The following CNTNAP5 variants were observed in gnomAD, a reference collection of about 807,000 sequenced individuals.
The protein encoded by CNTNAP5 is contactin associated protein family member 5, also known as contactin-associated protein-like 5.
A neutral mutation model predicts 150.2 loss-of-function variants in CNTNAP5; 72 were observed. The ratio of observed to expected loss-of-function variants is 0.48; its 90% CI spans 0.40 to 0.58. The LOEUF is 0.58. Among genes scored for constraint, CNTNAP5 ranks in the 20% least tolerant of loss-of-function variants. CNTNAP5 has a pLI of 0.00. For synonymous variants in CNTNAP5, 672 were observed against 619.8 expected (o/e 1.08, Z -1.25); for missense variants, 1,636 against 1,626.2 (o/e 1.01, Z -0.10).
chr2:124,702,299 T>A (rs1487250548), intron 13 of CNTNAP5, among the ~76,000 whole-genome samples: 1 of 141,976 alleles, frequency 7.0e-6, no homozygotes, highest in Non-Finnish European at 1.5e-5. Context: ...GTTCTGCAAA[T>A]CATTTAAAAT....
intron 3 of CNTNAP5, among the ~76,000 whole-genome samples, chr2:124,365,753 T>C (rs1690355616): frequency 6.6e-6 from 1 of 152,170 alleles, no homozygotes; most frequent in Non-Finnish European, 1.5e-5. Context: ...AAAGATTATA[T>C]AGGTCAATGC....
chr2:124,684,342 C>A (rs1363203515), intron 13 of CNTNAP5, among the ~76,000 whole-genome samples: 2 of 152,174 alleles, frequency 1.3e-5, no homozygotes, highest in Non-Finnish European at 2.9e-5. Flanking sequence ...ATGTTAAAAA[C>A]ATTATACTGC....
chr2:124,117,588 G>C (rs190476947), intron 1 of CNTNAP5, among the ~76,000 whole-genome samples: 26 of 152,238 alleles, frequency 1.7e-4, no homozygotes, highest in African/African-American at 4.8e-4. Context: ...AATTTAATGA[G>C]TACTTAACAC....
At chr2:124,769,792 C>T (rs570162191) in intron 16 of CNTNAP5, among the ~76,000 whole-genome samples, 130 of 152,260 alleles carry the variant, frequency 8.5e-4, no homozygotes, top group African/African-American at 3.0e-3. Flanking sequence ...TCTGGATTCA[C>T]ATCCAGACTC....
At chr2:124,657,963 G>A (rs1678494552) in intron 13 of CNTNAP5, among the ~76,000 whole-genome samples, 1 of 152,162 alleles carries the variant, frequency 6.6e-6, no homozygotes, top group South Asian at 2.1e-4. Flanking sequence ...TTGCTTATTT[G>A]TTCACTATCT....
At chr2:124,434,189 TG>T (rs755333231) in intron 4 of CNTNAP5, among the ~76,000 whole-genome samples, 2 of 152,168 alleles carry the variant, frequency 1.3e-5, no homozygotes, top group African/African-American at 2.4e-5. Context: ...CATAGGTACT[TG>T]CGGTATTTTC....
At chr2:124,712,462 C>T (rs1679826883) in intron 13 of CNTNAP5, among the ~76,000 whole-genome samples, 1 of 152,188 alleles carries the variant, frequency 6.6e-6, no homozygotes, top group Admixed American at 6.5e-5. Context: ...TCTGCTCTTG[C>T]CCACTGATGT....
chr2:124,082,226 G>A (rs868248983), intron 1 of CNTNAP5, among the ~76,000 whole-genome samples: 52 of 151,836 alleles, frequency 3.4e-4, no homozygotes, highest in African/African-American at 1.2e-3. Flanking sequence ...GCAGGCGCCT[G>A]TAGTCCCAGT....
At chr2:124,885,056 A>T (rs1678050793) in intron 21 of CNTNAP5, among the ~76,000 whole-genome samples, 1 of 151,964 alleles carries the variant, frequency 6.6e-6, no homozygotes, top group Non-Finnish European at 1.5e-5. Context: ...ATATATTGAG[A>T]TTTATTGCAC....
Position 124,555,121 on chromosome 2 carries a change from T to C in CNTNAP5, c.1650-8096T>C, listed in dbSNP as rs141335760. 4.9e-3 allele frequency among the ~76,000 whole-genome samples: 746 copies of C among 152,246 alleles called. 5 individuals are homozygous for C. Among genetic ancestry groups the C allele is most frequent in the African/African-American group, 0.017 (709 of 41,556 alleles). On this transcript the variant is annotated intron_variant, in intron 10 of 23. Transcript: ENST00000682447. ...AGTATTTTTTTTAACTTGGGAATGC[T>C]ATTTTTTTCTGAGAAAAGTGAAAAT...
chr2:124,494,114 G>T (rs1356047961), intron 7 of CNTNAP5, among the ~76,000 whole-genome samples: 1 of 145,430 alleles, frequency 6.9e-6, no homozygotes, highest in East Asian at 2.2e-4. Flanking sequence ...GTGTGGGTGG[G>T]GGGGTAGGGG....
At chr2:124,733,634 G>A (rs1232426175) in intron 13 of CNTNAP5, among the ~76,000 whole-genome samples, 2 of 152,090 alleles carry the variant, frequency 1.3e-5, no homozygotes, top group African/African-American at 4.8e-5. Context: ...GTAGCTTGGG[G>A]GCTAGGGAGT....
At chr2:124,489,564 C>T (rs892812229) in intron 7 of CNTNAP5, among the ~76,000 whole-genome samples, 2 of 152,150 alleles carry the variant, frequency 1.3e-5, no homozygotes, top group African/African-American at 4.8e-5. Flanking sequence ...CAGTTCAGTC[C>T]ACAACAATTA....
chr2:124,482,944 A>C (rs1240793618), intron 7 of CNTNAP5, among the ~76,000 whole-genome samples: 1 of 152,188 alleles, frequency 6.6e-6, no homozygotes, highest in East Asian at 1.9e-4. Flanking sequence ...CCTACATATA[A>C]AAGTTTGCTT....
At chr2:124,095,149 GAATA>G (rs1682903886) in intron 1 of CNTNAP5, among the ~76,000 whole-genome samples, 1 of 152,104 alleles carries the variant, frequency 6.6e-6, no homozygotes, top group Non-Finnish European at 1.5e-5. Flanking sequence ...ATACACCATG[GAATA>G]CCATGCAGCC....
chr2:124,036,487 T>A (rs892338409), intron 1 of CNTNAP5, among the ~76,000 whole-genome samples: 3 of 152,074 alleles, frequency 2.0e-5, no homozygotes, highest in Admixed American at 6.5e-5. Context: ...GAATGTGCTC[T>A]GTCAGTTGAC....
intron 3 of CNTNAP5, among the ~76,000 whole-genome samples, chr2:124,371,384 TTA>T: frequency 6.6e-6 from 1 of 152,254 alleles, no homozygotes; most frequent in Admixed American, 6.5e-5. Flanking sequence ...GAAATAATTA[TTA>T]TATACGATAT....
chr2:124,312,866 G>C (rs183986189), intron 3 of CNTNAP5, among the ~76,000 whole-genome samples: 1 of 152,144 alleles, frequency 6.6e-6, no homozygotes, highest in Non-Finnish European at 1.5e-5. Flanking sequence ...CACCAGGCTC[G>C]GCCAATTTTT....
chr2:124,503,293 C>A (rs1694319358), intron 7 of CNTNAP5, among the ~76,000 whole-genome samples: 1 of 152,150 alleles, frequency 6.6e-6, no homozygotes. Flanking sequence ...TGGTTGGCAC[C>A]TACGGATGTT....
Sources: gnomAD v4.1 joint callset for allele counts (sites outside exome capture counted in the v4.1 genomes callset) on GRCh38, gnomAD v4.1.1 for gene constraint, MANE v1.5 for transcripts, NCBI Gene and HGNC (gene_info 2026-07-23, HGNC 2026-07-21) for gene names.